SYT1: variants seen among roughly 807,000 people sequenced by gnomAD.
SYT1 encodes the protein synaptotagmin-1.
SYT1 carries 8 observed loss-of-function variants against 44.8 expected under a neutral mutation model. That is an observed-to-expected ratio of 0.18 (90% CI 0.10 to 0.32). SYT1 has a LOEUF of 0.32. Ranked by LOEUF, SYT1 falls within the 10% of genes least tolerant of loss-of-function variation. The pLI is 1.00. For missense variants in SYT1, 286 were observed against 509.3 expected (o/e 0.56, Z 4.22); for synonymous variants, 154 against 188.8 (o/e 0.82, Z 1.51).
intron 3 of SYT1, among the ~76,000 whole-genome samples, chr12:79,130,195 C>G (rs1048510871): frequency 6.6e-6 from 1 of 152,062 alleles, no homozygotes; most frequent in African/African-American, 2.4e-5. Context: ...TCACAGTGAG[C>G]TGTAACTGAG....
chr12:79,001,298 TG>T (rs1170964037), intron 2 of SYT1, among the ~76,000 whole-genome samples: 3 of 151,882 alleles, frequency 2.0e-5, no homozygotes, highest in Non-Finnish European at 4.4e-5. Flanking sequence ...ATGAAGCCAC[TG>T]TCAGTAGTAC....
chr12:78,870,198 T>C (rs1016204928), intron 1 of SYT1, among the ~76,000 whole-genome samples: 4 of 152,086 alleles, frequency 2.6e-5, no homozygotes, highest in African/African-American at 9.7e-5. Context: ...TCACAGATAC[T>C]AGCTTGCAAC....
chr12:79,077,366 A>G (rs1876729600), intron 3 of SYT1, among the ~76,000 whole-genome samples: 3 of 151,944 alleles, frequency 2.0e-5, no homozygotes, highest in Admixed American at 6.6e-5. Context: ...GTAACCACAC[A>G]GAGATCTACC....
intron 3 of SYT1, among the ~76,000 whole-genome samples, chr12:79,179,325 T>TAGATATATCGATATGTCTATATC (rs369955937): frequency 0.02 from 990 of 50,572 alleles, 74 homozygotes; most frequent in African/African-American, 0.077. Flanking sequence ...GATATAGATA[T>TAGATATATCGATATGTCTATATC]AGATATAGAT....
At chr12:79,342,703 A>G (rs1262975732) in intron 8 of SYT1, among the ~76,000 whole-genome samples, 1 of 152,246 alleles carries the variant, frequency 6.6e-6, no homozygotes. Context: ...AGAACTCAAA[A>G]GAAGTCAATG....
At chr12:79,051,260 A>G (rs1874462849) in intron 3 of SYT1, among the ~76,000 whole-genome samples, 1 of 151,298 alleles carries the variant, frequency 6.6e-6, no homozygotes, top group African/African-American at 2.4e-5. Context: ...GATATAGTTT[A>G]TTAGAATGAT....
chr12:78,962,237 T>C (rs1879542632), intron 1 of SYT1, among the ~76,000 whole-genome samples: 1 of 152,136 alleles, frequency 6.6e-6, no homozygotes. Context: ...ATATGAACTA[T>C]CTAATATGAT....
At chr12:79,355,123 A>T (rs1883061025) in intron 9 of SYT1, among the ~76,000 whole-genome samples, 1 of 152,094 alleles carries the variant, frequency 6.6e-6, no homozygotes, top group Non-Finnish European at 1.5e-5. Context: ...GTCTGTTTCC[A>T]CTAGGACTTC....
intron 2 of SYT1, among the ~76,000 whole-genome samples, chr12:78,985,971 G>T (rs1254328460): frequency 2.6e-4 from 40 of 152,080 alleles, no homozygotes; most frequent in Non-Finnish European, 4.4e-5. Flanking sequence ...GAAGGAAAGA[G>T]AAATTATATA....
intron 4 of SYT1, among the ~76,000 whole-genome samples, chr12:79,232,433 C>T (rs977771108): frequency 4.6e-5 from 7 of 152,160 alleles, no homozygotes; most frequent in Admixed American, 2.6e-4. Context: ...TGCTCCAGCA[C>T]GACAGTTACT....
At chr12:79,196,798 T>C (rs1206896653) in intron 3 of SYT1, among the ~76,000 whole-genome samples, 3 of 152,224 alleles carry the variant, frequency 2.0e-5, no homozygotes, top group African/African-American at 7.2e-5. Context: ...AGTTCCAGTT[T>C]CTACAATTCA....
rs550580246 is a variant in SYT1, at chr12:79,055,416, A to G, written c.-18+8054A>G. The stretch of plus-strand genomic sequence containing the variant: ...ATTTACAGTTTTAAAGAAATCATGT[A>G]AAGTCCAAAGTTAATAAGACTTTAA... On this transcript the variant is annotated intron_variant, in intron 3 of 10. Transcript: ENST00000261205. Among the ~76,000 whole-genome samples, 16 of 152,198 alleles carry G rather than the reference A, an allele frequency of 1.1e-4. No homozygotes were observed. The South Asian group carries it at 1.4e-3, about 14-fold the overall frequency.
At chr12:79,137,242 T>C (rs756161642) in intron 3 of SYT1, among the ~76,000 whole-genome samples, 5 of 152,004 alleles carry the variant, frequency 3.3e-5, no homozygotes, top group Non-Finnish European at 7.4e-5. Flanking sequence ...ATTACAGGCG[T>C]GCACCACCAC....
At chr12:79,359,356 C>A (rs1883232601) in intron 9 of SYT1, among the ~76,000 whole-genome samples, 1 of 152,128 alleles carries the variant, frequency 6.6e-6, no homozygotes, top group Admixed American at 6.5e-5. Context: ...TCTCCTTCAT[C>A]ATTTTTCTGT....
intron 1 of SYT1, among the ~76,000 whole-genome samples, chr12:78,897,208 AAAAATAACACTTAG>A (rs1419035469): frequency 6.6e-6 from 1 of 151,934 alleles, no homozygotes; most frequent in Non-Finnish European, 1.5e-5. Context: ...ATGTTTTATT[AAAAATAACACTTAG>A]AAAATATTCA....
intron 3 of SYT1, among the ~76,000 whole-genome samples, chr12:79,048,399 G>T (rs1874231666): frequency 1.3e-5 from 2 of 151,490 alleles, no homozygotes; most frequent in South Asian, 4.2e-4. Context: ...TGAATGATTG[G>T]GTATAATTAA....
At chr12:78,875,498 G>A (rs900786853) in intron 1 of SYT1, among the ~76,000 whole-genome samples, 8 of 151,630 alleles carry the variant, frequency 5.3e-5, no homozygotes, top group African/African-American at 7.3e-5. Flanking sequence ...ACTATCAGGG[G>A]AAAGCACTGG....
chr12:79,013,154 CTGTT>C (rs923570441), intron 2 of SYT1, among the ~76,000 whole-genome samples: 14 of 152,084 alleles, frequency 9.2e-5, no homozygotes, highest in Admixed American at 8.5e-4. Context: ...GTGCACTTCT[CTGTT>C]TGTTTTTGTA....
intron 9 of SYT1, among the ~76,000 whole-genome samples, chr12:79,404,931 C>G (rs923391045): frequency 6.6e-6 from 1 of 152,060 alleles, no homozygotes; most frequent in Admixed American, 6.6e-5. Flanking sequence ...ATTAAGGCAG[C>G]CTGTATGTGA....
Sources: allele counts gnomAD v4.1 joint callset (sites outside exome capture counted in the v4.1 genomes callset), GRCh38; gene constraint gnomAD v4.1.1; transcripts MANE v1.5; gene names NCBI Gene and HGNC (gene_info 2026-07-23, HGNC 2026-07-21).